LEKR1: variants seen among roughly 807,000 people sequenced by gnomAD.
LEKR1 encodes the protein leucine, glutamate and lysine rich 1.
Under a neutral mutation model 72.4 loss-of-function variants are expected in LEKR1, and 59 were observed. That is an observed-to-expected ratio of 0.82 (90% confidence interval 0.66 to 1.01). The LOEUF is 1.01. Among genes scored for constraint, LEKR1 ranks in the 50% least tolerant of loss-of-function variants. The probability of loss-of-function intolerance (pLI) is 0.00; values close to 1 mark genes in which losing one functional copy is unlikely to be tolerated. For synonymous variants in LEKR1, 257 were observed against 263.2 expected (o/e 0.98, Z 0.23); for missense variants, 728 against 759.2 (o/e 0.96, Z 0.48).
At chr3:157,038,374 T>C (rs1735110169) in intron 12 of LEKR1, among the ~76,000 whole-genome samples, 1 of 152,166 alleles carries the variant, frequency 6.6e-6, no homozygotes, top group Non-Finnish European at 1.5e-5. Flanking sequence ...ATTTGGGACA[T>C]GTTGATCTTA....
At chr3:156,855,661 T>G (rs1715972643) in intron 3 of LEKR1, among the ~76,000 whole-genome samples, 1 of 152,178 alleles carries the variant, frequency 6.6e-6, no homozygotes, top group African/African-American at 2.4e-5. Context: ...TGTCAAGTTC[T>G]TTTAGTTGCA....
At chr3:156,847,183 C>G (rs879839028) in intron 2 of LEKR1, among the ~76,000 whole-genome samples, 4 of 152,180 alleles carry the variant, frequency 2.6e-5, no homozygotes, top group Admixed American at 2.6e-4. Context: ...CTAGTTGAAG[C>G]ACAGACAGGA....
chr3:156,838,033 A>G (rs1713381043), intron 2 of LEKR1, among the ~76,000 whole-genome samples: 1 of 152,216 alleles, frequency 6.6e-6, no homozygotes, highest in African/African-American at 2.4e-5. Context: ...AGAGGAAAAT[A>G]CACATGACAA....
At chr3:156,911,783 T>G (rs1235987538) in intron 3 of LEKR1, among the ~76,000 whole-genome samples, 1 of 152,138 alleles carries the variant, frequency 6.6e-6, no homozygotes, top group African/African-American at 2.4e-5. Flanking sequence ...TGCTTTTTTT[T>G]GTCGACTTTG....
chr3:156,944,002 A>T (rs1288138932), intron 6 of LEKR1, among the ~76,000 whole-genome samples: 1 of 151,724 alleles, frequency 6.6e-6, no homozygotes, highest in Non-Finnish European at 1.5e-5. Context: ...ATACAGTATA[A>T]ATATTATATT....
chr3:157,004,311 A>G (rs73873769), intron 9 of LEKR1, among the ~76,000 whole-genome samples: 1,879 of 152,268 alleles, frequency 0.012, 46 homozygotes, highest in African/African-American at 0.044. Flanking sequence ...CTAATAACAG[A>G]CCTTAAAAAT....
intron 12 of LEKR1, among the ~76,000 whole-genome samples, chr3:157,031,851 G>A (rs1246464211): frequency 1.3e-5 from 2 of 152,146 alleles, no homozygotes; most frequent in Non-Finnish European, 2.9e-5. Flanking sequence ...TCAAGGATAA[G>A]AGGAAAGCCA....
chr3:156,910,109 T>C lies in LEKR1; in HGVS notation c.264-10466T>C, dbSNP rs144877609. 2.2e-3 allele frequency among the ~76,000 whole-genome samples: 338 copies of C among 152,292 alleles called. 1 individual carries two copies. Among genetic ancestry groups the C allele is most frequent in the African/African-American group, 6.5e-3 (269 of 41,564 alleles). ...ATGAAAAAAGAGGATTCCTTAAAAA[T>C]CTATTCTTTTCCCAATTAGGCAGAG... On this transcript the variant is annotated intron_variant, in intron 3 of 12. Transcript: ENST00000356539.
chr3:157,011,827 A>G (rs929321775), intron 10 of LEKR1, among the ~76,000 whole-genome samples: 3 of 152,106 alleles, frequency 2.0e-5, no homozygotes, highest in African/African-American at 7.2e-5. Flanking sequence ...TCATATTCTT[A>G]AAACCAGGGA....
chr3:157,020,932 C>T (rs1733786218), intron 10 of LEKR1, among the ~76,000 whole-genome samples: 1 of 150,998 alleles, frequency 6.6e-6, no homozygotes, highest in Admixed American at 6.6e-5. Context: ...ACATCCTCTC[C>T]AGCACCTGTT....
At chr3:157,015,399 T>C (rs1467756455) in intron 10 of LEKR1, among the ~76,000 whole-genome samples, 1 of 152,134 alleles carries the variant, frequency 6.6e-6, no homozygotes, top group East Asian at 1.9e-4. Flanking sequence ...TGGCCAGTAA[T>C]TTGCATTTCC....
chr3:157,013,310 A>C (rs1301295818), intron 10 of LEKR1, among the ~76,000 whole-genome samples: 1 of 152,040 alleles, frequency 6.6e-6, no homozygotes, highest in African/African-American at 2.4e-5. Context: ...TTTCAGATAC[A>C]CTTCACTGGA....
At chr3:156,831,188 C>T (rs904703090) in intron 2 of LEKR1, among the ~76,000 whole-genome samples, 5 of 151,836 alleles carry the variant, frequency 3.3e-5, no homozygotes, top group African/African-American at 9.7e-5. Context: ...TGTGTGAAGA[C>T]GGAGAGTCCA....
intron 3 of LEKR1, among the ~76,000 whole-genome samples, chr3:156,876,942 A>G (rs1368048203): frequency 1.8e-5 from 2 of 110,932 alleles, no homozygotes; most frequent in Non-Finnish European, 4.3e-5. Flanking sequence ...CATTCAGTAT[A>G]ATGTTGGCTG....
chr3:156,867,968 G>A (rs1312191409), intron 3 of LEKR1, among the ~76,000 whole-genome samples: 2 of 152,060 alleles, frequency 1.3e-5, no homozygotes, highest in African/African-American at 4.8e-5. Context: ...CTGAGCTTAT[G>A]TGTTGTTGTA....
intron 3 of LEKR1, chr3:156,888,539 G>C (rs1720337784): frequency 5.2e-6 from 3 of 580,654 alleles, no homozygotes; most frequent in East Asian, 2.8e-5. Context: ...CACATAAAAA[G>C]ACTGAAAGGG....
intron 3 of LEKR1, among the ~76,000 whole-genome samples, chr3:156,907,938 T>G (rs1200942752): frequency 6.6e-6 from 1 of 152,074 alleles, no homozygotes; most frequent in Non-Finnish European, 1.5e-5. Flanking sequence ...AGTTCCTCAG[T>G]CTTTCTTTGT....
intron 5 of LEKR1, among the ~76,000 whole-genome samples, chr3:156,940,763 A>T (rs991268630): frequency 2.4e-4 from 37 of 152,160 alleles, no homozygotes; most frequent in African/African-American, 8.2e-4. Flanking sequence ...TTATTCTTTA[A>T]ATGTTAGATA....
intron 3 of LEKR1, among the ~76,000 whole-genome samples, chr3:156,860,900 G>C (rs1716687702): frequency 6.6e-6 from 1 of 152,146 alleles, no homozygotes; most frequent in Non-Finnish European, 1.5e-5. Context: ...TTTCATCATG[G>C]CTTCTGTATC....
Sources: allele counts gnomAD v4.1 joint callset (sites outside exome capture counted in the v4.1 genomes callset), GRCh38; gene constraint gnomAD v4.1.1; transcripts MANE v1.5; gene names NCBI Gene and HGNC (gene_info 2026-07-23, HGNC 2026-07-21).